MACF1: variants seen among roughly 807,000 people sequenced by gnomAD.
MACF1 encodes microtubule-actin cross-linking factor 1.
In MACF1, 193 loss-of-function variants were observed where a neutral mutation model predicts 854.8. That is an observed-to-expected ratio of 0.23 (90% CI 0.20 to 0.25). MACF1 has a LOEUF of 0.25. Ranked by LOEUF, MACF1 falls within the 10% of genes least tolerant of loss-of-function variation. MACF1 has a pLI of 1.00. For missense variants in MACF1, 7,722 were observed against 8,929.1 expected (o/e 0.86, Z 5.45); for synonymous variants, 3,185 against 3,226.7 (o/e 0.99, Z 0.44).
chr1:39,339,628 C>T (rs1296002942), intron 38 of MACF1, among the ~76,000 whole-genome samples: 1 of 152,142 alleles, frequency 6.6e-6, no homozygotes, highest in Non-Finnish European at 1.5e-5. Context: ...TGGGACACTA[C>T]TTGAAGGAGA....
intron 86 of MACF1, 54 bp downstream of exon 86, chr1:39,452,404 G>A: frequency 1.3e-6 from 2 of 1,528,510 alleles, no homozygotes; most frequent in Non-Finnish European, 1.8e-6. Context: ...GGGTTTATTT[G>A]GTTTTTCTTT....
chr1:39,324,452 C>G, intron 34 of MACF1, 107 bp downstream of exon 34: 1 of 1,367,212 alleles, frequency 7.3e-7, no homozygotes, highest in Non-Finnish European at 9.9e-7. Context: ...TGATTGCTAC[C>G]TGAGTAAATG....
chr1:39,307,781 C>G (rs530292865), intron 23 of MACF1, among the ~76,000 whole-genome samples: 6 of 151,392 alleles, frequency 4.0e-5, no homozygotes, highest in African/African-American at 1.5e-4. Context: ...GCCATGTTGG[C>G]CAGGCTGGTC....
chr1:39,257,041 A>G (rs1645105116), intron 5 of MACF1, among the ~76,000 whole-genome samples: 1 of 152,232 alleles, frequency 6.6e-6, no homozygotes, highest in Non-Finnish European at 1.5e-5. Context: ...AAAGCTAATC[A>G]TATATCATAT....
upstream of MACF1, among the ~76,000 whole-genome samples, chr1:39,202,266 T>A (rs1644400091): frequency 6.8e-6 from 1 of 146,454 alleles, no homozygotes; most frequent in South Asian, 2.3e-4. Flanking sequence ...ACGCCCGGCC[T>A]CATATTCTTT....
intron 40 of MACF1, among the ~76,000 whole-genome samples, chr1:39,343,891 G>A (rs1171867457): frequency 1.3e-5 from 2 of 152,124 alleles, no homozygotes; most frequent in African/African-American, 2.4e-5. Context: ...CGAGGCGGGC[G>A]GATCACCTGA....
chr1:39,244,357 C>T (rs1644958871), intron 2 of MACF1, among the ~76,000 whole-genome samples: 1 of 152,148 alleles, frequency 6.6e-6, no homozygotes, highest in Admixed American at 6.5e-5. Context: ...TCTCGGTTCA[C>T]TGCAACTTCT....
chr1:39,388,334 A>G lies in MACF1; in HGVS notation c.15492A>G (p.Leu5164=). 2 of 1,614,188 alleles carry G rather than the reference A, an allele frequency of 1.2e-6. No individual in the cohort carries two copies. Among genetic ancestry groups the G allele is most frequent in the Non-Finnish European group, 8.5e-7 (1 of 1,180,038 alleles). ...SLQSQIEDVR[L]FLNKIHVLKL... ...AGTCCCAAATCGAGGATGTCCGGCTATTCCTTAACAAAATTCACGTCCTCA... is the reference window on the plus strand; with the variant it reads ...AGTCCCAAATCGAGGATGTCCGGCTGTTCCTTAACAAAATTCACGTCCTCA... Residue 5164 remains leucine, a synonymous_variant, in exon 58 of 101, where the codon CTA becomes CTG. Transcript: ENST00000564288.
At chr1:39,144,143 C>G (rs960921779) in intron 2 of MACF1, among the ~76,000 whole-genome samples, 2 of 147,564 alleles carry the variant, frequency 1.4e-5, no homozygotes, top group African/African-American at 5.0e-5. Context: ...TGCAATGGCA[C>G]GATCTCGGCT....
At chr1:39,455,481 C>G (rs534435326) in intron 89 of MACF1, among the ~76,000 whole-genome samples, 1 of 152,326 alleles carries the variant, frequency 6.6e-6, no homozygotes, top group African/African-American at 2.4e-5. Flanking sequence ...GAGGCCCCCT[C>G]AGGTCTTAGC....
At chr1:39,160,912 G>T (rs949825083) in intron 2 of MACF1, among the ~76,000 whole-genome samples, 3 of 152,142 alleles carry the variant, frequency 2.0e-5, no homozygotes, top group Admixed American at 6.6e-5. Context: ...AGAGGTAATT[G>T]GCTCCCCTCT....
intron 97 of MACF1, among the ~76,000 whole-genome samples, chr1:39,478,734 C>T (rs1644958452): frequency 6.6e-6 from 1 of 152,192 alleles, no homozygotes; most frequent in Non-Finnish European, 1.5e-5. Context: ...ACAAAATTTC[C>T]TGCCACCTTC....
intron 70 of MACF1, among the ~76,000 whole-genome samples, chr1:39,437,263 G>A (rs1643999755): frequency 6.7e-6 from 1 of 149,782 alleles, no homozygotes; most frequent in Non-Finnish European, 1.5e-5. Context: ...TTTTTTAATG[G>A]GCCAGCTCTG....
At chr1:39,179,833 GGTGAAACCCC>G (rs1272133252) in intron 2 of MACF1, among the ~76,000 whole-genome samples, 1 of 151,924 alleles carries the variant, frequency 6.6e-6, no homozygotes, top group East Asian at 1.9e-4. Context: ...TGGCCAACAT[GGTGAAACCCC>G]GTCTCTACTA....
intron 97 of MACF1, among the ~76,000 whole-genome samples, chr1:39,469,877 C>T (rs1444681133): frequency 3.9e-5 from 6 of 152,192 alleles, no homozygotes; most frequent in African/African-American, 1.4e-4. Flanking sequence ...AAGTACTTTA[C>T]AAGTAACACA....
Position 39,385,898 on chromosome 1 carries a change from C to T in MACF1, c.14313C>T (p.Ala4771=). ...DELKKRLETV[A]LPLQGLEDLA... ...TGAAGAAGCGTTTGGAGACAGTTGC[C>T]CTGCCTCTCCAAGGTTTAGAAGACC... The change falls in exon 57 of 101, where the codon GCC becomes GCT. Residue 4771 remains alanine (A), a synonymous_variant. Coordinates refer to ENST00000564288, the MANE Select transcript of MACF1 (RefSeq NM_001394062.1). The T allele has an allele frequency of 6.2e-7, 1 of 1,612,780 alleles. No individual in the cohort carries two copies. The highest frequency in any genetic ancestry group is 1.1e-5 in the South Asian group (1 of 91,020).
intron 40 of MACF1, among the ~76,000 whole-genome samples, chr1:39,341,290 T>C (rs1646930724): frequency 6.6e-6 from 1 of 151,136 alleles, no homozygotes; most frequent in Admixed American, 6.6e-5. Context: ...CACCTCGGCC[T>C]CCCAAAGTGC....
intron 15 of MACF1, among the ~76,000 whole-genome samples, chr1:39,291,492 A>C (rs535280960): frequency 6.6e-6 from 1 of 152,260 alleles, no homozygotes; most frequent in Non-Finnish European, 1.5e-5. Flanking sequence ...ATTATCTTCC[A>C]TTGGCCAGTA....
chr1:39,485,826 C>A lies in MACF1; in HGVS notation c.*32C>A. 1 of 1,540,614 alleles carries A rather than the reference C, an allele frequency of 6.5e-7. No individual in the cohort carries two copies. Among genetic ancestry groups the A allele is most frequent in the South Asian group, 1.2e-5 (1 of 80,412 alleles). On this transcript the variant is annotated 3_prime_UTR_variant, in exon 101 of 101. Coordinates refer to ENST00000564288, the MANE Select transcript of MACF1 (RefSeq NM_001394062.1). Reference sequence around the variant, plus strand: ...CTAAGCACCCCCAAGCCACTATCCACTTTGAATCCTGCTCCATACATTGGG... The same window carrying A: ...CTAAGCACCCCCAAGCCACTATCCAATTTGAATCCTGCTCCATACATTGGG...
Sources: allele counts gnomAD v4.1 joint callset (sites outside exome capture counted in the v4.1 genomes callset), GRCh38; gene constraint gnomAD v4.1.1; transcripts MANE v1.5; gene names NCBI Gene and HGNC (gene_info 2026-07-23, HGNC 2026-07-21).